LMNTD1: variants seen among roughly 807,000 people sequenced by gnomAD.
LMNTD1 encodes the protein lamin tail domain-containing protein 1.
LMNTD1 carries 35 observed loss-of-function variants against 50.9 expected under a neutral mutation model. The ratio of observed to expected loss-of-function variants is 0.69; its 90% CI spans 0.53 to 0.91. The LOEUF (loss-of-function observed/expected upper bound fraction) is 0.91, where lower values mean the gene tolerates loss of function less well. Ranked by LOEUF, LMNTD1 falls within the 40% of genes least tolerant of loss-of-function variation. The pLI is 0.00. For synonymous variants in LMNTD1, 153 were observed against 161.9 expected (o/e 0.94, Z 0.42); for missense variants, 470 against 475.5 (o/e 0.99, Z 0.11).
At chr12:25,636,251 T>C (rs1946831178) in intron 1 of LMNTD1, among the ~76,000 whole-genome samples, 1 of 152,002 alleles carries the variant, frequency 6.6e-6, no homozygotes, top group South Asian at 2.1e-4. Flanking sequence ...AAAGGACTAA[T>C]ATCAAGAATC....
chr12:25,648,558 T>A (rs1350497596), upstream of LMNTD1: 1 of 1,551,208 alleles, frequency 6.4e-7, no homozygotes, highest in East Asian at 2.4e-5. Context: ...GCATGTAGTG[T>A]CCTTAAGCTT....
At chr12:25,530,893 A>G (rs1177874500) in intron 4 of LMNTD1, among the ~76,000 whole-genome samples, 1 of 152,198 alleles carries the variant, frequency 6.6e-6, no homozygotes, top group Non-Finnish European at 1.5e-5. Context: ...GGTGGAATTA[A>G]TCTAATCAAA....
chr12:25,510,047 T>TTCTA (rs1362790586), intron 8 of LMNTD1, among the ~76,000 whole-genome samples: 1 of 152,226 alleles, frequency 6.6e-6, no homozygotes, highest in Non-Finnish European at 1.5e-5. Flanking sequence ...TGTATTTAAA[T>TTCTA]TCTATCTAAA....
At chr12:25,543,176 T>A (rs1326580084) in intron 4 of LMNTD1, among the ~76,000 whole-genome samples, 4 of 151,874 alleles carry the variant, frequency 2.6e-5, no homozygotes, top group African/African-American at 9.7e-5. Flanking sequence ...GCTTCACCAA[T>A]AAGTTCTATA....
At chr12:25,595,520 C>A (rs1242033264) in intron 1 of LMNTD1, among the ~76,000 whole-genome samples, 3 of 152,070 alleles carry the variant, frequency 2.0e-5, no homozygotes, top group Non-Finnish European at 4.4e-5. Context: ...TTAAAAAATT[C>A]TTTGAACTGA....
intron 2 of LMNTD1, among the ~76,000 whole-genome samples, chr12:25,551,964 A>T (rs1943769676): frequency 6.6e-6 from 1 of 152,192 alleles, no homozygotes; most frequent in East Asian, 1.9e-4. Context: ...TTTCAATGTT[A>T]CTTTGGGAGA....
chr12:25,616,861 A>G (rs1039922), intron 1 of LMNTD1, among the ~76,000 whole-genome samples: 48,751 of 152,116 alleles, frequency 0.32, 9,131 homozygotes, highest in East Asian at 0.87. Flanking sequence ...AGCTGACTAC[A>G]AAGGGGCACA....
At chr12:25,612,868 A>T (rs1002506064) in intron 1 of LMNTD1, among the ~76,000 whole-genome samples, 12 of 152,230 alleles carry the variant, frequency 7.9e-5, no homozygotes, top group Middle Eastern at 3.4e-3. Context: ...TAGATTAAGG[A>T]TCTTGAGGTA....
intron 8 of LMNTD1, among the ~76,000 whole-genome samples, chr12:25,515,188 A>ATTT (rs5797138): frequency 6.6e-6 from 1 of 151,160 alleles, no homozygotes; most frequent in African/African-American, 2.4e-5. Flanking sequence ...GACTTGGTAA[A>ATTT]TTTTTTTTTA....
chr12:25,506,497 G>A (rs1939792306), intron 8 of LMNTD1, among the ~76,000 whole-genome samples: 1 of 152,040 alleles, frequency 6.6e-6, no homozygotes, highest in Non-Finnish European at 1.5e-5. Flanking sequence ...ACTAGTTTCT[G>A]TCATTTAACT....
chr12:25,542,564 A>C, intron 4 of LMNTD1, among the ~76,000 whole-genome samples: 1 of 118,242 alleles, frequency 8.5e-6, no homozygotes, highest in Non-Finnish European at 1.7e-5. Context: ...CACTCTGGGG[A>C]CTGTTGTGGG....
At position 25,567,866 on chromosome 12, in the gene LMNTD1, G is replaced by A. The variant is rs544024770; in HGVS notation, c.59-21312C>T. Among the ~76,000 whole-genome samples, 7 of 151,996 alleles carry A rather than the reference G, an allele frequency of 4.6e-5. No individual in the cohort carries two copies. In the South Asian group the frequency reaches 1.5e-3, roughly 32 times the overall value. ...TTATTTATAAACTACCCAGTCTTAA[G>A]TATTTCTTTATAGCAATGTAAGAGT... On this transcript the variant is annotated intron_variant, in intron 1 of 7. Coordinates refer to the LMNTD1 transcript ENST00000445693.
chr12:25,575,849 C>A (rs1402401610), intron 1 of LMNTD1, among the ~76,000 whole-genome samples: 4 of 152,148 alleles, frequency 2.6e-5, no homozygotes, highest in Non-Finnish European at 4.4e-5. Flanking sequence ...TCCCCCAACA[C>A]CATGACAGGC....
intron 4 of LMNTD1, among the ~76,000 whole-genome samples, chr12:25,528,023 G>A (rs1252733882): frequency 2.0e-5 from 3 of 151,874 alleles, no homozygotes; most frequent in African/African-American, 4.8e-5. Flanking sequence ...TATATGATAT[G>A]TGTTCTAAAA....
chr12:25,514,382 C>T (rs146032595), intron 8 of LMNTD1, among the ~76,000 whole-genome samples: 2 of 152,154 alleles, frequency 1.3e-5, no homozygotes, highest in Non-Finnish European at 2.9e-5. Flanking sequence ...ATACAAAAAG[C>T]AAATTGGAAA....
chr12:25,580,210 C>G (rs1279689454), intron 1 of LMNTD1, among the ~76,000 whole-genome samples: 1 of 152,162 alleles, frequency 6.6e-6, no homozygotes, highest in Non-Finnish European at 1.5e-5. Context: ...TGCATCATCT[C>G]TATTTTGTAG....
chr12:25,505,029 T>C (rs996989457), intron 8 of LMNTD1, among the ~76,000 whole-genome samples: 1 of 152,204 alleles, frequency 6.6e-6, no homozygotes, highest in Non-Finnish European at 1.5e-5. Flanking sequence ...AGGTTTTCAA[T>C]TGTACCCTGA....
intron 6 of LMNTD1, among the ~76,000 whole-genome samples, chr12:25,522,384 AC>A (rs1464555872): frequency 6.6e-6 from 1 of 152,226 alleles, no homozygotes; most frequent in Non-Finnish European, 1.5e-5. Context: ...ATTTTCGATG[AC>A]AATGATGATA....
intron 9 of LMNTD1, among the ~76,000 whole-genome samples, chr12:25,492,822 T>C (rs1205565093): frequency 1.3e-5 from 2 of 152,208 alleles, no homozygotes. Context: ...CTCTTTCTCT[T>C]CTATAACTTA....
Sources: gnomAD v4.1 joint callset for allele counts (sites outside exome capture counted in the v4.1 genomes callset) on GRCh38, gnomAD v4.1.1 for gene constraint, MANE v1.5 for transcripts, NCBI Gene and HGNC (gene_info 2026-07-23, HGNC 2026-07-21) for gene names.